The following FRAS1 variants were observed in gnomAD, a reference collection of about 807,000 sequenced individuals.
The protein encoded by FRAS1 is Fraser extracellular matrix complex subunit 1, also known as extracellular matrix organizing protein FRAS1.
FRAS1 carries 290 observed loss-of-function variants against 435.2 expected under a neutral mutation model. The ratio of observed to expected loss-of-function variants is 0.67; its 90% CI spans 0.61 to 0.73. FRAS1 has a LOEUF of 0.73. Among genes scored for constraint, FRAS1 ranks in the 30% least tolerant of loss-of-function variants. The probability of loss-of-function intolerance (pLI) is 0.00; values close to 1 mark genes in which losing one functional copy is unlikely to be tolerated. For synonymous variants in FRAS1, 1,800 were observed against 1,851.0 expected (o/e 0.97, Z 0.71); for missense variants, 4,860 against 5,001.5 (o/e 0.97, Z 0.85).
At chr4:78,338,625 G>A (rs564435465) in intron 20 of FRAS1, among the ~76,000 whole-genome samples, 1 of 152,316 alleles carries the variant, frequency 6.6e-6, no homozygotes, top group South Asian at 2.1e-4. Context: ...GGAGATCCTG[G>A]GATGCTACTG....
intron 14 of FRAS1, among the ~76,000 whole-genome samples, chr4:78,299,509 A>G (rs1728291047): frequency 6.6e-6 from 1 of 152,074 alleles, no homozygotes; most frequent in Non-Finnish European, 1.5e-5. Context: ...TATTTTAACA[A>G]CCAGTATAAC....
chr4:78,285,445 T>TTA (rs1403393707), intron 13 of FRAS1, among the ~76,000 whole-genome samples: 1 of 150,908 alleles, frequency 6.6e-6, no homozygotes, highest in East Asian at 2.0e-4. Context: ...TTTTTTTTTT[T>TTA]ATTTGAGATG....
At chr4:78,446,689 A>G (rs961366730) in intron 42 of FRAS1, 38 bp from the exon 43 acceptor site, 2 of 1,585,472 alleles carry the variant, frequency 1.3e-6, no homozygotes, top group African/African-American at 2.7e-5. Context: ...TTCTTCTTAA[A>G]TATCTGTGTG....
intron 41 of FRAS1, among the ~76,000 whole-genome samples, chr4:78,442,601 C>G (rs1161128528): frequency 6.6e-6 from 1 of 152,216 alleles, no homozygotes; most frequent in Non-Finnish European, 1.5e-5. Context: ...GCCTTCCTAA[C>G]ATGGTTTTAT....
At chr4:78,061,705 GA>G (rs1739767738) in intron 1 of FRAS1, among the ~76,000 whole-genome samples, 1 of 152,100 alleles carries the variant, frequency 6.6e-6, no homozygotes, top group Admixed American at 6.5e-5. Flanking sequence ...AACTTGGCTG[GA>G]AAAAAGTAAC....
At chr4:78,200,344 C>T (rs940062269) in intron 2 of FRAS1, among the ~76,000 whole-genome samples, 3 of 152,138 alleles carry the variant, frequency 2.0e-5, no homozygotes, top group African/African-American at 7.2e-5. Flanking sequence ...TGAGCCTGTG[C>T]CTTAAATTTT....
At chr4:78,122,535 C>T (rs937374257) in intron 2 of FRAS1, among the ~76,000 whole-genome samples, 1 of 152,046 alleles carries the variant, frequency 6.6e-6, no homozygotes, top group African/African-American at 2.4e-5. Flanking sequence ...AGTTCTAGAT[C>T]CTTGAGGAAT....
Position 78,379,794 on chromosome 4 carries a change from CT to C in FRAS1, c.3362del (p.Leu1121ArgfsTer6). 1 of 1,613,752 alleles carries C rather than the reference CT, an allele frequency of 6.2e-7. No homozygotes were observed. The highest frequency in any genetic ancestry group is 8.5e-7 in the Non-Finnish European group (1 of 1,179,810). On this transcript the variant is annotated frameshift_variant, in exon 27 of 74. Transcript: ENST00000512123. LOFTEE classifies it high-confidence loss of function. Reference protein sequence around the residue: ...LILPIGSIKPLDFSLLNVQDQ... With the variant: ...LILPIGSIKPXDFSLLNVQDQ... The stretch of plus-strand genomic sequence containing the variant: ...CCTCCCAATTGGTTCAATAAAGCCA[CT>C]GGATTTTTCCCTCCTGAATGTCCAA...
intron 1 of FRAS1, among the ~76,000 whole-genome samples, chr4:78,058,523 C>A (rs1006447300): frequency 6.6e-6 from 1 of 152,148 alleles, no homozygotes; most frequent in Non-Finnish European, 1.5e-5. Flanking sequence ...CCATCGCTCT[C>A]CCGCCCTCCT....
At position 78,419,159 on chromosome 4, in the gene FRAS1, T is replaced by C. The variant is rs899343132; in HGVS notation, c.4540+96T>C. 7 of 641,532 alleles carry C rather than the reference T, an allele frequency of 1.1e-5. No individual in the cohort carries two copies. The African/African-American group carries it at 1.1e-4, about 10-fold the overall frequency. 39.7% of individuals were successfully genotyped at this position (641,532 alleles called of 1,614,324 possible). ...CTGGAGTTTTGTCTGCTTGTATACA[T>C]AGAGATATTTGTTGAGGTTTCAAGG... On this transcript the variant is annotated intron_variant, in intron 33 of 73. Transcript: ENST00000512123.
chr4:78,286,221 CT>C (rs1158477421), intron 13 of FRAS1, 183 bp from the exon 14 acceptor site: 2 of 729,878 alleles, frequency 2.7e-6, no homozygotes. Flanking sequence ...ACGTAAAGCA[CT>C]TCAAACAGTG....
intron 13 of FRAS1, among the ~76,000 whole-genome samples, chr4:78,285,369 A>G (rs929950742): frequency 2.0e-5 from 3 of 151,588 alleles, no homozygotes; most frequent in South Asian, 2.1e-4. Flanking sequence ...CAAAAAAAAA[A>G]GAAAAAAAAA....
At chr4:78,127,812 A>G (rs1167595953) in intron 2 of FRAS1, among the ~76,000 whole-genome samples, 1 of 151,834 alleles carries the variant, frequency 6.6e-6, no homozygotes, top group Non-Finnish European at 1.5e-5. Flanking sequence ...GGTTTGTTAC[A>G]TATGTATACC....
At chr4:78,481,677 C>G (rs1472672953) in intron 56 of FRAS1, 127 bp from the exon 57 acceptor site, 1 of 981,792 alleles carries the variant, frequency 1.0e-6, no homozygotes, top group East Asian at 2.4e-5. Context: ...ATCACTGAAG[C>G]TAGATTAGAA....
At chr4:78,363,884 GT>G (rs1372717196) in intron 21 of FRAS1, 23 bp from the exon 22 acceptor site, 1 of 1,596,420 alleles carries the variant, frequency 6.3e-7, no homozygotes, top group South Asian at 1.1e-5. Flanking sequence ...CATGGTTTCT[GT>G]TGTGTCTCTT....
At chr4:78,121,953 G>A (rs913014748) in intron 2 of FRAS1, among the ~76,000 whole-genome samples, 1 of 152,092 alleles carries the variant, frequency 6.6e-6, no homozygotes, top group Non-Finnish European at 1.5e-5. Flanking sequence ...ATCCTTAAGG[G>A]ACAAGAACTG....
At chr4:78,065,102 T>G (rs1325676069) in intron 1 of FRAS1, among the ~76,000 whole-genome samples, 1 of 108,492 alleles carries the variant, frequency 9.2e-6, no homozygotes, top group African/African-American at 3.8e-5. Context: ...ACACACACAC[T>G]AAATACTACA....
intron 2 of FRAS1, among the ~76,000 whole-genome samples, chr4:78,140,963 T>C (rs1023091425): frequency 7.2e-5 from 11 of 152,244 alleles, no homozygotes; most frequent in African/African-American, 2.6e-4. Flanking sequence ...GAACCAATGA[T>C]AAAAGGTGGG....
intron 5 of FRAS1, among the ~76,000 whole-genome samples, chr4:78,253,499 A>G (rs994032860): frequency 1.3e-5 from 2 of 152,192 alleles, no homozygotes; most frequent in African/African-American, 4.8e-5. Flanking sequence ...AATGTCCATG[A>G]AATCTTCACA....
Sources: allele counts gnomAD v4.1 joint callset (sites outside exome capture counted in the v4.1 genomes callset), GRCh38; gene constraint gnomAD v4.1.1; transcripts MANE v1.5; gene names NCBI Gene and HGNC (gene_info 2026-07-23, HGNC 2026-07-21).